The following GRIK4 variants were observed in gnomAD, a reference collection of about 807,000 sequenced individuals.
GRIK4 encodes the protein glutamate receptor ionotropic, kainate 4.
GRIK4 carries 40 observed loss-of-function variants against 104.9 expected under a neutral mutation model. The ratio of observed to expected loss-of-function variants is 0.38; its 90% CI spans 0.30 to 0.50. GRIK4 has a LOEUF of 0.50. Ranked by LOEUF, GRIK4 falls within the 20% of genes least tolerant of loss-of-function variation. The probability of loss-of-function intolerance (pLI) is 0.93; values close to 1 mark genes in which losing one functional copy is unlikely to be tolerated. For synonymous variants in GRIK4, 485 were observed against 524.9 expected, an observed-to-expected ratio of 0.92 and a Z score of 1.04; for missense variants, 1,047 against 1,308.1, an observed-to-expected ratio of 0.80 and a Z score of 3.08.
intron 1 of GRIK4, among the ~76,000 whole-genome samples, chr11:120,525,831 A>G (rs1325505684): frequency 6.6e-6 from 1 of 152,058 alleles, no homozygotes; most frequent in African/African-American, 2.4e-5. Context: ...GGACAGCTGG[A>G]GTTAGAGTCC....
At chr11:120,687,984 C>T (rs1349851948) in intron 3 of GRIK4, among the ~76,000 whole-genome samples, 3 of 152,132 alleles carry the variant, frequency 2.0e-5, no homozygotes, top group Non-Finnish European at 4.4e-5. Context: ...AATTGGGACC[C>T]TATATTTGAG....
intron 3 of GRIK4, among the ~76,000 whole-genome samples, chr11:120,745,373 G>T (rs1951421217): frequency 1.3e-5 from 2 of 152,072 alleles, no homozygotes; most frequent in African/African-American, 4.8e-5. Flanking sequence ...CATACGTACT[G>T]CATGACAATG....
intron 11 of GRIK4, among the ~76,000 whole-genome samples, 196 bp from the exon 12 acceptor site, chr11:120,898,332 CCTGA>C (rs1942639720): frequency 6.6e-6 from 1 of 151,880 alleles, no homozygotes; most frequent in African/African-American, 2.4e-5. Flanking sequence ...TCCTTTCTTC[CCTGA>C]CTGTTACAGC....
At chr11:120,965,740 C>CG (rs533288191) in intron 18 of GRIK4, among the ~76,000 whole-genome samples, 1 of 152,220 alleles carries the variant, frequency 6.6e-6, no homozygotes, top group Non-Finnish European at 1.5e-5. Flanking sequence ...GCAGCATGGA[C>CG]ATCACCTTGG....
At chr11:120,566,410 A>G (rs1299816704) in intron 1 of GRIK4, among the ~76,000 whole-genome samples, 1 of 152,218 alleles carries the variant, frequency 6.6e-6, no homozygotes, top group Non-Finnish European at 1.5e-5. Context: ...AGATAAGCCC[A>G]TGCTGGTGTT....
At chr11:120,641,025 C>T (rs1376837032) in intron 1 of GRIK4, among the ~76,000 whole-genome samples, 1 of 152,218 alleles carries the variant, frequency 6.6e-6, no homozygotes, top group East Asian at 1.9e-4. Context: ...AAATGCTAAA[C>T]CTTTTTAACG....
intron 15 of GRIK4, among the ~76,000 whole-genome samples, chr11:120,954,397 G>A (rs1193313158): frequency 2.0e-5 from 3 of 151,600 alleles, no homozygotes; most frequent in Non-Finnish European, 2.9e-5. Context: ...GACGGCCTGC[G>A]AGATGGGGAG....
chr11:120,779,659 A>ATAG (rs2045197009), intron 3 of GRIK4, among the ~76,000 whole-genome samples: 1 of 152,152 alleles, frequency 6.6e-6, no homozygotes, highest in African/African-American at 2.4e-5. Context: ...AATAATAATA[A>ATAG]TAATAATGCC....
chr11:120,637,799 T>C (rs1235339755), intron 1 of GRIK4, among the ~76,000 whole-genome samples: 1 of 152,130 alleles, frequency 6.6e-6, no homozygotes, highest in Admixed American at 6.5e-5. Flanking sequence ...CCCCTTTGCC[T>C]ACAGAACCAT....
At position 120,733,118 on chromosome 11, in the gene GRIK4, T is replaced by G. The variant is rs559662251; in HGVS notation, c.83-69575T>G. On this transcript the variant is annotated intron_variant, in intron 3 of 20. Transcript: ENST00000527524. ...CATTCTATGTTTCTTCTTACAGATTTTGTCTTGAAATTTATTTTGTCTAAT... is the reference window on the plus strand; with the variant it reads ...CATTCTATGTTTCTTCTTACAGATTGTGTCTTGAAATTTATTTTGTCTAAT... Among the ~76,000 whole-genome samples, 4 of 152,326 alleles carry G rather than the reference T, an allele frequency of 2.6e-5. No individual in the cohort carries two copies. In the South Asian group the frequency reaches 8.3e-4, roughly 32 times the overall value.
At position 120,952,628 on chromosome 11, in the gene GRIK4, C is replaced by T. The variant is rs1357886213; in HGVS notation, c.1591-227C>T. Among the ~76,000 whole-genome samples, 1 of 152,158 alleles carries T rather than the reference C, an allele frequency of 6.6e-6. No individual in the cohort carries two copies. Among genetic ancestry groups the T allele is most frequent in the African/African-American group, 2.4e-5 (1 of 41,432 alleles). ...CTCACCCCAGGGAGTGGCATGGCCC[C>T]TGCTGCTGTTCTGTGTCACCTGCTG... is the stretch of plus-strand genomic sequence containing the variant. On this transcript the variant is annotated intron_variant, in intron 14 of 20. Coordinates refer to ENST00000527524, the MANE Select transcript of GRIK4 (RefSeq NM_014619.5). This position sits in a 1 kb window ranked among gnomAD's most constrained non-coding sequence, Gnocchi z 5.2.
chr11:120,666,695 C>T (rs1368124841), intron 3 of GRIK4, among the ~76,000 whole-genome samples: 1 of 152,158 alleles, frequency 6.6e-6, no homozygotes, highest in Non-Finnish European at 1.5e-5. Context: ...GCTAGAATGG[C>T]CTGAGTATCT....
intron 1 of GRIK4, among the ~76,000 whole-genome samples, chr11:120,536,061 AT>A (rs759312163): frequency 6.6e-6 from 1 of 152,254 alleles, no homozygotes; most frequent in African/African-American, 2.4e-5. Context: ...GCAGTGGAAG[AT>A]TATAAAGCCA....
At chr11:120,865,611 C>A (rs1270247390) in intron 9 of GRIK4, among the ~76,000 whole-genome samples, 2 of 152,182 alleles carry the variant, frequency 1.3e-5, no homozygotes, top group Admixed American at 1.3e-4. Flanking sequence ...TAGTCCTAGG[C>A]TCCCAGAAAG....
At chr11:120,860,961 C>T (rs1169281477) in intron 8 of GRIK4, among the ~76,000 whole-genome samples, 1 of 152,108 alleles carries the variant, frequency 6.6e-6, no homozygotes, top group Non-Finnish European at 1.5e-5. Flanking sequence ...TCCCAGGCCC[C>T]CTTGTATCCA....
At chr11:120,609,170 C>A (rs2135144060) in intron 1 of GRIK4, among the ~76,000 whole-genome samples, 1 of 152,240 alleles carries the variant, frequency 6.6e-6, no homozygotes, top group Admixed American at 6.5e-5. Context: ...CTGTTTGGTC[C>A]CTCTCAGAGT....
At chr11:120,782,264 C>G (rs912465029) in intron 3 of GRIK4, among the ~76,000 whole-genome samples, 15 of 151,798 alleles carry the variant, frequency 9.9e-5, no homozygotes, top group African/African-American at 3.6e-4. Context: ...AAGCCTGGCA[C>G]CTAGTAGGTA....
chr11:120,604,171 C>CAA (rs59469495), intron 1 of GRIK4, among the ~76,000 whole-genome samples: 91 of 51,802 alleles, frequency 1.8e-3, no homozygotes, highest in African/African-American at 6.2e-3. Flanking sequence ...GACTCCTTCT[C>CAA]AAAAAAAAAA....
chr11:120,617,733 G>T (rs1949134690), intron 1 of GRIK4, among the ~76,000 whole-genome samples: 1 of 152,140 alleles, frequency 6.6e-6, no homozygotes. Flanking sequence ...CCGGCTGTGT[G>T]AAGTGCTCAC....
Sources: allele counts gnomAD v4.1 joint callset (sites outside exome capture counted in the v4.1 genomes callset), GRCh38; gene constraint gnomAD v4.1.1; non-coding constraint Gnocchi (gnomAD v3.1); transcripts MANE v1.5; gene names NCBI Gene and HGNC (gene_info 2026-07-23, HGNC 2026-07-21).